The following PAM variants were observed in gnomAD, a reference collection of about 807,000 sequenced individuals.
The protein encoded by PAM is peptidyl-glycine alpha-amidating monooxygenase.
Under a neutral mutation model 122.1 loss-of-function variants are expected in PAM, and 72 were observed. The ratio of observed to expected loss-of-function variants is 0.59; its 90% CI spans 0.49 to 0.72. The LOEUF (loss-of-function observed/expected upper bound fraction) is 0.72. Among genes scored for constraint, PAM ranks in the 30% least tolerant of loss-of-function variants. PAM has a pLI of 0.00. For missense variants in PAM, 1,106 were observed against 1,183.7 expected, an observed-to-expected ratio of 0.93 and a Z score of 0.96; for synonymous variants, 389 against 404.4, an observed-to-expected ratio of 0.96 and a Z score of 0.46.
At chr5:102,921,259 TCCCAGC>T (rs1187096083) in intron 5 of PAM, among the ~76,000 whole-genome samples, 2 of 152,080 alleles carry the variant, frequency 1.3e-5, no homozygotes, top group Non-Finnish European at 2.9e-5. Context: ...TTACATTGCT[TCCCAGC>T]CTTAAGGCTC....
intron 21 of PAM, among the ~76,000 whole-genome samples, chr5:103,013,476 T>C (rs1781195660): frequency 6.6e-6 from 1 of 152,210 alleles, no homozygotes; most frequent in African/African-American, 2.4e-5. Context: ...TTTAGGATTT[T>C]CCAAATATCA....
chr5:102,800,079 A>C (rs903308640), intron 1 of PAM, among the ~76,000 whole-genome samples: 2 of 152,266 alleles, frequency 1.3e-5, no homozygotes, highest in East Asian at 3.9e-4. Flanking sequence ...TGGGTATCTA[A>C]ACTTATTGTA....
intron 1 of PAM, among the ~76,000 whole-genome samples, chr5:102,787,579 C>G (rs1274110547): frequency 9.2e-6 from 1 of 109,126 alleles, no homozygotes; most frequent in Non-Finnish European, 2.2e-5. Flanking sequence ...AAATAGGCTA[C>G]TGTATGGTCT....
chr5:102,756,711 C>T (rs1011857188), intron 1 of PAM, among the ~76,000 whole-genome samples: 1 of 152,172 alleles, frequency 6.6e-6, no homozygotes, highest in African/African-American at 2.4e-5. Flanking sequence ...CTGCAGTGAA[C>T]TGTGTTTATA....
chr5:102,828,750 G>A (rs960950262), intron 1 of PAM, among the ~76,000 whole-genome samples: 9 of 152,152 alleles, frequency 5.9e-5, no homozygotes, highest in African/African-American at 2.2e-4. Flanking sequence ...TAGAGCTAAT[G>A]TAGCTGTGGC....
chr5:102,889,021 GT>G (rs1386094935), intron 3 of PAM, among the ~76,000 whole-genome samples: 1 of 151,840 alleles, frequency 6.6e-6, no homozygotes, highest in Non-Finnish European at 1.5e-5. Context: ...TACTCCTTTT[GT>G]TTTTTGAGGT....
At chr5:102,903,518 A>C (rs761975017) in intron 4 of PAM, among the ~76,000 whole-genome samples, 1 of 151,546 alleles carries the variant, frequency 6.6e-6, no homozygotes, top group Admixed American at 6.6e-5. Context: ...AGAAACATCT[A>C]TATCTGTGAC....
chr5:102,758,617 A>G (rs1020627826), intron 1 of PAM, among the ~76,000 whole-genome samples: 1 of 152,192 alleles, frequency 6.6e-6, no homozygotes, highest in Non-Finnish European at 1.5e-5. Flanking sequence ...TTCAGTCATC[A>G]TGTATCCCTA....
In PAM at chr5:103,025,235, G is replaced by A. The variant is rs923300383; in HGVS notation, c.2590G>A (p.Val864Met). ...ACTGATCAAAGAGCCAGGCTCGGGA[G>A]TGCCTGTTGTTCTCATTACAACCCT... Reference protein sequence around the residue: ...QKLIKEPGSGVPVVLITTLLV... With the variant: ...QKLIKEPGSGMPVVLITTLLV... The change falls in exon 24 of 26, where the codon GTG becomes ATG. Residue 864 changes from valine (V) to methionine (M), a missense_variant. Coordinates refer to ENST00000438793, the MANE Select transcript of PAM (RefSeq NM_001177306.2). The A allele has an allele frequency of 6.2e-7, 1 of 1,613,582 alleles. No homozygotes were observed. Among genetic ancestry groups the A allele is most frequent in the African/African-American group, 1.3e-5 (1 of 74,884 alleles).
chr5:102,757,405 T>G (rs1750744360), intron 1 of PAM, among the ~76,000 whole-genome samples: 1 of 152,212 alleles, frequency 6.6e-6, no homozygotes. Flanking sequence ...ACAAGTTTGT[T>G]AAGACATTGC....
intron 2 of PAM, 84 bp from the exon 3 acceptor site, chr5:102,867,189 C>G (rs1037455134): frequency 3.0e-5 from 27 of 894,242 alleles, no homozygotes; most frequent in Admixed American, 9.8e-5. Flanking sequence ...TCTTTAAGGT[C>G]ATAGAATTCC....
At chr5:102,873,331 G>C (rs1561710694) in intron 3 of PAM, 1 of 152,164 alleles carries the variant, frequency 6.6e-6, no homozygotes, top group Non-Finnish European at 1.5e-5. Flanking sequence ...CTGCAGAAGG[G>C]GAGAAAACCA....
chr5:102,756,486 T>C (rs939197589), intron 1 of PAM, among the ~76,000 whole-genome samples: 2 of 152,236 alleles, frequency 1.3e-5, no homozygotes, highest in Non-Finnish European at 2.9e-5. Flanking sequence ...TTTTCTCTTC[T>C]AGGTGCAAAC....
chr5:102,953,271 C>T (rs1246790048), intron 12 of PAM, among the ~76,000 whole-genome samples: 1 of 152,024 alleles, frequency 6.6e-6, no homozygotes, highest in Non-Finnish European at 1.5e-5. Flanking sequence ...TAAAATACCA[C>T]GATGTAAAAA....
chr5:102,895,206 C>A (rs557732548), intron 3 of PAM, among the ~76,000 whole-genome samples: 3 of 151,882 alleles, frequency 2.0e-5, no homozygotes, highest in Admixed American at 6.6e-5. Context: ...CTATTTCTTA[C>A]GCTAAAACAT....
At chr5:102,801,588 A>G (rs1376680175) in intron 1 of PAM, among the ~76,000 whole-genome samples, 1 of 152,116 alleles carries the variant, frequency 6.6e-6, no homozygotes, top group East Asian at 1.9e-4. Flanking sequence ...TTCCTTCAGA[A>G]GCGTTATAAC....
chr5:102,895,800 C>A (rs1261895825), intron 3 of PAM: 1 of 151,626 alleles, frequency 6.6e-6, no homozygotes, highest in Non-Finnish European at 1.5e-5. Flanking sequence ...TCTGAAGTGT[C>A]CACAAACAGA....
chr5:103,000,647 G>A (rs1236531326), intron 16 of PAM, among the ~76,000 whole-genome samples: 2 of 152,186 alleles, frequency 1.3e-5, no homozygotes, highest in African/African-American at 4.8e-5. Flanking sequence ...AGCATGGCTG[G>A]AGGAGCCTCA....
intron 1 of PAM, among the ~76,000 whole-genome samples, chr5:102,784,450 T>C (rs1036933645): frequency 1.3e-5 from 2 of 152,200 alleles, no homozygotes; most frequent in Non-Finnish European, 2.9e-5. Context: ...TAAGCTCTCA[T>C]ATGACCCTGT....
Sources: gnomAD v4.1 joint callset for allele counts (sites outside exome capture counted in the v4.1 genomes callset) on GRCh38, gnomAD v4.1.1 for gene constraint, MANE v1.5 for transcripts, NCBI Gene and HGNC (gene_info 2026-07-23, HGNC 2026-07-21) for gene names.